ZSCAN25: variants seen among roughly 807,000 people sequenced by gnomAD.
The protein encoded by ZSCAN25 is zinc finger and SCAN domain containing 25.
In ZSCAN25, 27 loss-of-function variants were observed where a neutral mutation model predicts 38.7. The ratio of observed to expected loss-of-function variants is 0.70; its 90% CI spans 0.51 to 0.96. ZSCAN25 has a LOEUF of 0.96. Ranked by LOEUF, ZSCAN25 falls within the 40% of genes least tolerant of loss-of-function variation. The pLI, the probability that ZSCAN25 is intolerant of heterozygous loss-of-function variation, is 0.00. For missense variants in ZSCAN25, 637 were observed against 705.9 expected (o/e 0.90, Z 1.11); for synonymous variants, 273 against 277.7 (o/e 0.98, Z 0.17).
At chr7:99,720,387 G>A in the ZSCAN25 span, 2 of 1,613,586 alleles carry the variant, frequency 1.2e-6, no homozygotes, top group African/African-American at 2.7e-5. Flanking sequence ...GTGATAGCCA[G>A]CATAGGCTGT....
the ZSCAN25 span, among the ~76,000 whole-genome samples, chr7:99,662,046 GA>G: frequency 6.6e-6 from 1 of 152,220 alleles, no homozygotes. This position sits in a 1 kb window ranked among gnomAD's most constrained non-coding sequence, Gnocchi z 4.3. Flanking sequence ...ATAGATAGAT[GA>G]TTAATTGATA....
the ZSCAN25 span, chr7:99,658,987 T>A: frequency 6.6e-6 from 1 of 152,210 alleles, no homozygotes; most frequent in Non-Finnish European, 1.5e-5. Context: ...ATTTGTCTAA[T>A]CTTTTTTCAA....
intron 4 of ZSCAN25, chr7:99,620,907 G>T (rs927449267): frequency 6.5e-6 from 1 of 152,876 alleles, no homozygotes; most frequent in African/African-American, 2.4e-5. Flanking sequence ...AGGCATGCAT[G>T]CCTGGCTAAT....
In ZSCAN25 at chr7:99,632,398, A is replaced by G. The variant is rs897254153; in HGVS notation, c.*2378A>G. On this transcript the variant is annotated 3_prime_UTR_variant, in exon 8 of 8. Transcript: ENST00000394152. ...TCATTTGACTTTATTATAAACTCAT[A>G]ATCAATCTTGTTTCATCTCTGTCCA... 2.0e-5 allele frequency: 9 copies of G among 444,788 alleles called. No homozygotes were observed. The highest frequency in any genetic ancestry group is 2.4e-5 in the Non-Finnish European group (8 of 336,194). 27.6% of individuals were successfully genotyped at this position (444,788 alleles called of 1,614,324 possible). A position where few individuals can be genotyped will look rare whatever the true frequency, so the allele number is the denominator to read the frequency against.
the ZSCAN25 span, among the ~76,000 whole-genome samples, chr7:99,646,865 T>C: frequency 2.0e-5 from 3 of 151,584 alleles, no homozygotes; most frequent in Non-Finnish European, 4.4e-5. Flanking sequence ...CAAACACATA[T>C]ATTTACATCT....
chr7:99,665,709 G>A, the ZSCAN25 span, among the ~76,000 whole-genome samples: 4 of 152,232 alleles, frequency 2.6e-5, no homozygotes, highest in South Asian at 4.1e-4. Flanking sequence ...GAAAGGTGGC[G>A]TTGTCTGACT....
At chr7:99,652,429 G>T in the ZSCAN25 span, 140 of 605,196 alleles carry the variant, frequency 2.3e-4, no homozygotes, top group Middle Eastern at 4.4e-4. Flanking sequence ...TCACTTTTTT[G>T]TGATAAAAAG....
chr7:99,677,688 T>C, the ZSCAN25 span, among the ~76,000 whole-genome samples: 1 of 152,216 alleles, frequency 6.6e-6, no homozygotes, highest in Non-Finnish European at 1.5e-5. Flanking sequence ...TACATTTGGT[T>C]CCCTGCCCCA....
At chr7:99,685,000 A>G in the ZSCAN25 span, 3 of 629,134 alleles carry the variant, frequency 4.8e-6, no homozygotes, top group African/African-American at 5.5e-5. Flanking sequence ...CAGTGCATGT[A>G]CAGAATCCCT....
chr7:99,679,800 A>G, the ZSCAN25 span: 3 of 1,612,906 alleles, frequency 1.9e-6, no homozygotes, highest in East Asian at 2.2e-5. Context: ...AAGGAAACAA[A>G]GAGAGGAGTT....
the ZSCAN25 span, among the ~76,000 whole-genome samples, chr7:99,724,348 C>G: frequency 6.6e-6 from 1 of 152,134 alleles, no homozygotes; most frequent in Non-Finnish European, 1.5e-5. Context: ...TCTTATAAGA[C>G]CTGGATGATT....
chr7:99,679,903 T>C, the ZSCAN25 span: 1 of 1,613,592 alleles, frequency 6.2e-7, no homozygotes, highest in Admixed American at 1.7e-5. Context: ...CCATCGCCAC[T>C]TTCCTTCTTC....
chr7:99,681,638 C>T, the ZSCAN25 span, among the ~76,000 whole-genome samples: 1 of 152,160 alleles, frequency 6.6e-6, no homozygotes, highest in East Asian at 1.9e-4. Flanking sequence ...AAATTTTGCC[C>T]ATTTTTTGAT....
At chr7:99,718,058 A>G in the ZSCAN25 span, among the ~76,000 whole-genome samples, 1 of 152,070 alleles carries the variant, frequency 6.6e-6, no homozygotes, top group Non-Finnish European at 1.5e-5. Context: ...TGGTAGATTT[A>G]AAAAAATATA....
Position 99,629,348 on chromosome 7 carries a change from G to T in ZSCAN25, c.963G>T (p.Ala321=), listed in dbSNP as rs770184202. The T allele has an allele frequency of 3.7e-6, 6 of 1,614,030 alleles. No homozygotes were observed. In the African/African-American group the frequency reaches 8.0e-5, roughly 22 times the overall value. ...AGCCTGGTGGCCCTGCAGGCAGTGC[G>T]CCTGGGCTTCCTCCTCCCCAGCACG... ...EQEPGGPAGS[A]PGLPPPQHGA... Residue 321 remains alanine, a synonymous_variant, in exon 8 of 8, where the codon GCG becomes GCT. Transcript: ENST00000394152. The surrounding 1 kb of genome is among the most constrained non-coding windows in gnomAD (Gnocchi z 5.6).
the ZSCAN25 span, among the ~76,000 whole-genome samples, chr7:99,683,932 G>A: frequency 6.6e-6 from 1 of 152,246 alleles, no homozygotes; most frequent in Non-Finnish European, 1.5e-5. Flanking sequence ...AACAGACAAG[G>A]AATGAGTGTG....
At chr7:99,650,933 C>T in the ZSCAN25 span, among the ~76,000 whole-genome samples, 1 of 152,148 alleles carries the variant, frequency 6.6e-6, no homozygotes. Context: ...TGAAGATTGA[C>T]CCATGTTTTA....
At chr7:99,645,028 G>C in the ZSCAN25 span, among the ~76,000 whole-genome samples, 1 of 152,188 alleles carries the variant, frequency 6.6e-6, no homozygotes, top group African/African-American at 2.4e-5. Flanking sequence ...GTCTCACTCT[G>C]TTGCCAGGCT....
the ZSCAN25 span, among the ~76,000 whole-genome samples, chr7:99,677,818 C>T: frequency 1.2e-4 from 19 of 152,168 alleles, no homozygotes; most frequent in African/African-American, 3.9e-4. Context: ...AATCTCTGCT[C>T]CTGAACTTTA....
Sources: allele counts gnomAD v4.1 joint callset (sites outside exome capture counted in the v4.1 genomes callset), GRCh38; gene constraint gnomAD v4.1.1; non-coding constraint Gnocchi (gnomAD v3.1); transcripts MANE v1.5; gene names NCBI Gene and HGNC (gene_info 2026-07-23, HGNC 2026-07-21).